Variants in SPATA9 observed in about 807,000 individuals in gnomAD.
The protein encoded by SPATA9 is spermatogenesis-associated protein 9.
SPATA9 carries 27 observed loss-of-function variants against 25.5 expected under a neutral mutation model. The observed-to-expected ratio is 1.06, with a 90% CI of 0.78 to 1.46. The LOEUF (loss-of-function observed/expected upper bound fraction) is 1.46, where lower values mean the gene tolerates loss of function less well. Ranked by LOEUF, SPATA9 falls within the 40% of genes most tolerant of loss-of-function variation. The pLI, the probability that SPATA9 is intolerant of heterozygous loss-of-function variation, is 0.00. For synonymous variants in SPATA9, 102 were observed against 105.7 expected (o/e 0.97, Z 0.21); for missense variants, 282 against 297.5 (o/e 0.95, Z 0.38).
the SPATA9 span, among the ~76,000 whole-genome samples, chr5:95,704,474 T>C: frequency 6.6e-6 from 1 of 152,186 alleles, no homozygotes; most frequent in Admixed American, 6.5e-5. Flanking sequence ...TTAACTTTTA[T>C]AATTATTTTA....
chr5:95,666,821 T>C (rs776960612), intron 3 of SPATA9, among the ~76,000 whole-genome samples: 4 of 152,220 alleles, frequency 2.6e-5, no homozygotes, highest in Non-Finnish European at 5.9e-5. Context: ...TTGTGCACTA[T>C]TCTGTATACT....
At chr5:95,659,017 ATAATCTAATAAAAAACACTTCTT>A (rs1750998144) in intron 4 of SPATA9, 104 bp from the exon 5 acceptor site, 1 of 1,403,220 alleles carries the variant, frequency 7.1e-7, no homozygotes. Context: ...TTTAATCTAC[ATAATCTAATAAAAAACACTTCTT>A]TTCAGGACCT....
chr5:95,658,595 C>CT lies in SPATA9; in HGVS notation c.*27dup. ...GAAATGTGCCATTAAATAGATAACT[C>CT]TTAAGTTCTGTTCAGTGATACCTGT... On this transcript the variant is annotated 3_prime_UTR_variant, in exon 5 of 5. Coordinates refer to ENST00000274432, the MANE Select transcript of SPATA9 (RefSeq NM_031952.4). 2 of 1,588,704 alleles carry CT rather than the reference C, an allele frequency of 1.3e-6. No homozygotes were observed.
At chr5:95,681,793 A>G (rs922215231) in intron 2 of SPATA9, among the ~76,000 whole-genome samples, 3 of 152,204 alleles carry the variant, frequency 2.0e-5, no homozygotes, top group African/African-American at 7.2e-5. Flanking sequence ...GGTTTTGGTT[A>G]TATACCTCAT....
upstream of SPATA9, among the ~76,000 whole-genome samples, chr5:95,686,015 T>G (rs1753736337): frequency 6.6e-6 from 1 of 152,160 alleles, no homozygotes; most frequent in South Asian, 2.1e-4. Flanking sequence ...TTTTGTATTT[T>G]TAGTAGAGGC....
At chr5:95,723,582 AT>A in the SPATA9 span, among the ~76,000 whole-genome samples, 1 of 152,274 alleles carries the variant, frequency 6.6e-6, no homozygotes, top group South Asian at 2.1e-4. Context: ...CTAATCTTGA[AT>A]TTTATAAATT....
chr5:95,675,838 T>C (rs1752887000), intron 2 of SPATA9, among the ~76,000 whole-genome samples, 199 bp from the exon 3 acceptor site: 1 of 150,462 alleles, frequency 6.6e-6, no homozygotes, highest in South Asian at 2.1e-4. Flanking sequence ...TTTTTTTTTT[T>C]TTTATGGAAT....
At chr5:95,707,793 G>A in the SPATA9 span, among the ~76,000 whole-genome samples, 2 of 152,124 alleles carry the variant, frequency 1.3e-5, no homozygotes, top group Non-Finnish European at 2.9e-5. Flanking sequence ...TCTTAGCTAA[G>A]GGAGAGTCAA....
At chr5:95,727,805 A>C in the SPATA9 span, among the ~76,000 whole-genome samples, 1 of 152,248 alleles carries the variant, frequency 6.6e-6, no homozygotes, top group African/African-American at 2.4e-5. Context: ...TTTAGCCAAG[A>C]TAAATAACAC....
intron 3 of SPATA9, among the ~76,000 whole-genome samples, chr5:95,665,123 C>T (rs533217757): frequency 2.0e-5 from 3 of 152,158 alleles, no homozygotes; most frequent in East Asian, 3.9e-4. Context: ...ATTTGATGTT[C>T]CCATAGAAGT....
chr5:95,688,638 T>C (rs1273509928), intron 1 of SPATA9, among the ~76,000 whole-genome samples: 1 of 152,152 alleles, frequency 6.6e-6, no homozygotes, highest in Non-Finnish European at 1.5e-5. Flanking sequence ...TTACTGCATG[T>C]TCTCACTTAT....
chr5:95,678,972 A>G (rs1753185759), intron 2 of SPATA9, among the ~76,000 whole-genome samples: 1 of 152,318 alleles, frequency 6.6e-6, no homozygotes, highest in African/African-American at 2.4e-5. Context: ...TTATGTTCCT[A>G]TTTGAGTTGG....
At chr5:95,723,546 G>C in the SPATA9 span, among the ~76,000 whole-genome samples, 2 of 150,014 alleles carry the variant, frequency 1.3e-5, no homozygotes, top group Admixed American at 1.3e-4. Flanking sequence ...GTTGTTTTTT[G>C]TTTGTTTGTT....
upstream of SPATA9, among the ~76,000 whole-genome samples, chr5:95,683,930 A>C (rs1753648888): frequency 6.6e-6 from 1 of 152,102 alleles, no homozygotes; most frequent in Non-Finnish European, 1.5e-5. Flanking sequence ...CAGCTAGACC[A>C]CTTTCTTCAG....
the SPATA9 span, among the ~76,000 whole-genome samples, chr5:95,709,028 G>A: frequency 3.9e-5 from 6 of 152,194 alleles, no homozygotes; most frequent in African/African-American, 1.4e-4. Flanking sequence ...TGATGTGGGA[G>A]TGATGAATCC....
chr5:95,675,470 A>G lies in SPATA9; in HGVS notation c.320T>C (p.Ile107Thr). 6.2e-7 allele frequency: 1 copy of G among 1,614,176 alleles called. No homozygotes were observed. The highest frequency in any genetic ancestry group is 8.5e-7 in the Non-Finnish European group (1 of 1,180,020). The change falls in exon 3 of 5, where the codon ATA becomes ACA. Residue 107 changes from isoleucine to threonine, a missense_variant. Transcript: ENST00000274432. Reference protein sequence around the residue: ...LACRLLELRDISGRLLREVNA... With the variant: ...LACRLLELRDTSGRLLREVNA... ...AACTTCCCTCAGCAGACGACCAGAT[A>G]TGTCCCTTAGCTCTAAAAGTCTGCA... is the stretch of plus-strand genomic sequence containing the variant.
At chr5:95,652,980 G>A, downstream of SPATA9, 1 of 1,204,638 alleles carries the variant, frequency 8.3e-7, no homozygotes, top group Non-Finnish European at 1.1e-6. Flanking sequence ...TTTGCTCTTA[G>A]AGTAAAATCC....
intron 1 of SPATA9, chr5:95,698,573 C>T (rs1042494532): frequency 6.6e-6 from 1 of 152,178 alleles, no homozygotes; most frequent in African/African-American, 2.4e-5. Context: ...TAAGTAAGAG[C>T]TTTTCCTATC....
chr5:95,705,111 T>TTTTA, the SPATA9 span, among the ~76,000 whole-genome samples: 36,475 of 150,770 alleles, frequency 0.24, 4,646 homozygotes, highest in East Asian at 0.49. Context: ...CACCTGGCTA[T>TTTTA]TTTATTTATT....
Sources: gnomAD v4.1 joint callset for allele counts (sites outside exome capture counted in the v4.1 genomes callset) on GRCh38, gnomAD v4.1.1 for gene constraint, MANE v1.5 for transcripts, NCBI Gene and HGNC (gene_info 2026-07-23, HGNC 2026-07-21) for gene names.